Variants in TRIM46 observed in about 807,000 individuals in gnomAD.
The protein encoded by TRIM46 is tripartite motif-containing protein 46.
A neutral mutation model predicts 69.7 loss-of-function variants in TRIM46; 17 were observed. The ratio of observed to expected loss-of-function variants is 0.24; its 90% CI spans 0.17 to 0.37. TRIM46 has a LOEUF of 0.37. Among genes scored for constraint, TRIM46 ranks in the 10% least tolerant of loss-of-function variants. TRIM46 has a pLI of 1.00. For synonymous variants in TRIM46, 391 were observed against 429.0 expected (o/e 0.91, Z 1.09); for missense variants, 675 against 1,025.1 (o/e 0.66, Z 4.66).
At position 155,175,809 on chromosome 1, in the gene TRIM46, T is replaced by G. The variant is rs1396814860; in HGVS notation, c.326-79T>G. 2.5e-6 allele frequency: 4 copies of G among 1,574,182 alleles called. No homozygotes were observed. Among genetic ancestry groups the G allele is most frequent in the Non-Finnish European group, 3.5e-6 (4 of 1,157,242 alleles). On this transcript the variant is annotated intron_variant, in intron 2 of 9. Coordinates refer to ENST00000334634, the MANE Select transcript of TRIM46 (RefSeq NM_025058.5). The surrounding 1 kb of genome is among the most constrained non-coding windows in gnomAD (Gnocchi z 4.2). ...GAGCTGAGCTCTGGCACAATGAAAA[T>G]CTAATTTAATTAAACAGGCTTCCCC...
At chr1:155,176,256 G>A (rs1484227514) in intron 3 of TRIM46, 25 bp downstream of exon 3, 5 of 1,569,050 alleles carry the variant, frequency 3.2e-6, no homozygotes, top group Non-Finnish European at 4.3e-6. Flanking sequence ...CCAAGGCCTG[G>A]GGAGGGAGGG....
Position 155,178,264 on chromosome 1 carries a change from G to T in TRIM46, c.1163+9G>T. The stretch of plus-strand genomic sequence containing the variant: ...AAGCAGCTGCACAACAGGTACTCAG[G>T]GGCATGGGCTCCTAGGGGGGCAGGG... On this transcript the variant is annotated intron_variant, in intron 6 of 9. Transcript: ENST00000334634. The T allele has an allele frequency of 2.5e-6, 4 of 1,589,796 alleles. No individual in the cohort carries two copies. The highest frequency in any genetic ancestry group is 3.4e-6 in the Non-Finnish European group (4 of 1,165,068).
chr1:155,176,250 G>A lies in TRIM46; in HGVS notation c.669+19G>A. On this transcript the variant is annotated intron_variant, in intron 3 of 9. Coordinates refer to ENST00000334634, the MANE Select transcript of TRIM46 (RefSeq NM_025058.5). ...ACCCAAGGTGAGCCAGCCCTTCCAA[G>A]GCCTGGGGAGGGAGGGACATGCTGC... The A allele has an allele frequency of 6.3e-7, 1 of 1,574,962 alleles. No homozygotes were observed. The highest frequency in any genetic ancestry group is 8.6e-7 in the Non-Finnish European group (1 of 1,161,722).
chr1:155,183,336 A>G (rs1666323435), intron 9 of TRIM46, among the ~76,000 whole-genome samples: 1 of 144,746 alleles, frequency 6.9e-6, no homozygotes, highest in Non-Finnish European at 1.5e-5. Flanking sequence ...CCTAAACCCC[A>G]TTGTCCCCAA....
intron 5 of TRIM46, 39 bp from the exon 6 acceptor site, chr1:155,177,963 A>G: frequency 6.3e-7 from 1 of 1,597,932 alleles, no homozygotes; most frequent in South Asian, 1.1e-5. Flanking sequence ...AAAAGAAGAT[A>G]GTAAGTCACG....
At position 155,175,602 on chromosome 1, in the gene TRIM46, A is replaced by G; in HGVS notation, c.280A>G (p.Arg94Gly). The change falls in exon 2 of 10, where the codon AGA (arginine) becomes GGA (glycine). Residue 94 changes from arginine (R) to glycine (G), a missense_variant. Physicochemically the swap from Arg to Gly is moderately radical, Grantham distance 125. Transcript: ENST00000334634. The surrounding 1 kb of genome is among the most constrained non-coding windows in gnomAD (Gnocchi z 4.2). ...CACCCGCAGCCCCCGCCTCTCCCGC[A>G]GAACTCTCCCCAAGCCAGACCGCCT... is the stretch of plus-strand genomic sequence containing the variant. Reference protein sequence around the residue: ...PSTRSPRLSRRTLPKPDRLDR... With the variant: ...PSTRSPRLSRGTLPKPDRLDR... 2 of 1,613,752 alleles carry G rather than the reference A, an allele frequency of 1.2e-6. No individual in the cohort carries two copies. The highest frequency in any genetic ancestry group is 1.7e-6 in the Non-Finnish European group (2 of 1,179,950).
Position 155,173,926 on chromosome 1 carries a change from C to A in TRIM46, c.-41C>A. 6.4e-7 allele frequency: 1 copy of A among 1,558,212 alleles called. No individual in the cohort carries two copies. The highest frequency in any genetic ancestry group is 1.2e-5 in the South Asian group (1 of 84,786). On this transcript the variant is annotated 5_prime_UTR_variant, in exon 1 of 10. Transcript: ENST00000334634. ...TTAAGCCCGGGGTTCGCAGCCGCAG[C>A]CGGGATCGGGCACCCAGGGGCGGGC...
In TRIM46 at chr1:155,179,991, G is replaced by A. The variant is rs1666021387; in HGVS notation, c.1588+57G>A. 6 of 1,513,692 alleles carry A rather than the reference G, an allele frequency of 4.0e-6. No homozygotes were observed. The South Asian group carries it at 7.9e-5, about 20-fold the overall frequency. The allele number at this position is 1,513,692 out of a possible 1,614,324, so 93.8% of individuals were successfully genotyped here. Reference sequence around the variant, plus strand: ...GGGCATGGGGTATGCCAGGGCCTAGGCCCTGACGGTTGGTTCCGGTGGCCG... The same window carrying A: ...GGGCATGGGGTATGCCAGGGCCTAGACCCTGACGGTTGGTTCCGGTGGCCG... On this transcript the variant is annotated intron_variant, in intron 8 of 9. Transcript: ENST00000334634.
chr1:155,180,217 A>T (rs937400666), intron 8 of TRIM46, among the ~76,000 whole-genome samples: 7 of 152,222 alleles, frequency 4.6e-5, no homozygotes, highest in African/African-American at 1.7e-4. Flanking sequence ...CTGTAATCCT[A>T]GCACTTTGGG....
chr1:155,177,476 AG>A (rs1190187728), intron 5 of TRIM46, among the ~76,000 whole-genome samples, 186 bp downstream of exon 5: 1 of 152,116 alleles, frequency 6.6e-6, no homozygotes, highest in Non-Finnish European at 1.5e-5. Flanking sequence ...GGGCTGCAGG[AG>A]GGGGCAGGGT....
Position 155,178,327 on chromosome 1 carries a change from C to T in TRIM46, c.1163+72C>T, listed in dbSNP as rs143159282. On this transcript the variant is annotated intron_variant, in intron 6 of 9. Coordinates refer to ENST00000334634, the MANE Select transcript of TRIM46 (RefSeq NM_025058.5). Reference sequence around the variant, plus strand: ...TGACCAACATCTAGGACAATGTCTACAGTACTGCCAGGTGGAGAACTGGCA... The same window carrying T: ...TGACCAACATCTAGGACAATGTCTATAGTACTGCCAGGTGGAGAACTGGCA... The T allele has an allele frequency of 1.2e-3, 1,797 of 1,557,528 alleles. 17 individuals are homozygous for T. The African/African-American group carries it at 0.021, about 19-fold the overall frequency.
In TRIM46 at chr1:155,181,868, C is replaced by G. The variant is rs376649642; in HGVS notation, c.1605C>G (p.Leu535=). The G allele has an allele frequency of 3.7e-6, 6 of 1,611,202 alleles. No individual in the cohort carries two copies. The highest frequency in any genetic ancestry group is 1.6e-4 in the Middle Eastern group (1 of 6,072). Residue 535 remains leucine (L), a synonymous_variant, in exon 9 of 10, where the codon CTC becomes CTG. Coordinates refer to ENST00000334634, the MANE Select transcript of TRIM46 (RefSeq NM_025058.5). The surrounding 1 kb of genome is among the most constrained non-coding windows in gnomAD (Gnocchi z 4.3). The part of the protein sequence containing the change: ...TPPAPVLHFF[L]DSRWGASRER... ...TCCTTCCAGTCCTGCACTTCTTCCT[C>G]GATAGCCGCTGGGGCGCAAGCCGAG... is the stretch of plus-strand genomic sequence containing the variant.
At chr1:155,177,918 G>GGCATCCAAGGAGGCCAGCACAAGTGCT (rs1665810284) in intron 5 of TRIM46, 84 bp from the exon 6 acceptor site, 1 of 1,542,074 alleles carries the variant, frequency 6.5e-7, no homozygotes, top group African/African-American at 1.4e-5. Flanking sequence ...GCCATGCTGT[G>GGCATCCAAGGAGGCCAGCACAAGTGCT]GCATCCAAGG....
Position 155,178,134 on chromosome 1 carries a change from G to A in TRIM46, c.1042G>A (p.Ala348Thr), listed in dbSNP as rs140277217. 255 of 1,614,012 alleles carry A rather than the reference G, an allele frequency of 1.6e-4. No homozygotes were observed. Among genetic ancestry groups the A allele is most frequent in the Non-Finnish European group, 2.1e-4 (244 of 1,180,020 alleles). Reference sequence around the variant, plus strand: ...GCAGGAGCGGCTGGCCCGTCTCAGCGCCCAGATCCAGGAGCACCGGAGCCT... The same window carrying A: ...GCAGGAGCGGCTGGCCCGTCTCAGCACCCAGATCCAGGAGCACCGGAGCCT... ...CQQERLARLS[A>T]QIQEHRSLLD... Residue 348 changes from alanine to threonine, a missense_variant, in exon 6 of 10, where the codon GCC (alanine) becomes ACC (threonine). Ala to Thr is a moderately conservative substitution (Grantham distance 58). This residue lies in a region of TRIM46 where 361 missense variants were observed against 498.3 expected (regional missense o/e 0.72). Coordinates refer to ENST00000334634, the MANE Select transcript of TRIM46 (RefSeq NM_025058.5).
At chr1:155,183,231 T>G (rs753367788) in intron 9 of TRIM46, among the ~76,000 whole-genome samples, 1 of 151,942 alleles carries the variant, frequency 6.6e-6, no homozygotes, top group Non-Finnish European at 1.5e-5. Context: ...TTTAACACCC[T>G]CCCACTAATG....
intron 7 of TRIM46, 126 bp downstream of exon 7, chr1:155,178,739 T>TTGGGGCCCCCCCCCCCC: frequency 4.4e-5 from 59 of 1,348,356 alleles, no homozygotes; most frequent in Non-Finnish European, 5.7e-5. Flanking sequence ...CAGCCATTCC[T>TTGGGGCCCCCCCCCCCC]CCCACCCAGC....
chr1:155,178,402 C>T (rs778419282), intron 6 of TRIM46, 90 bp from the exon 7 acceptor site: 4 of 1,593,726 alleles, frequency 2.5e-6, no homozygotes, highest in Non-Finnish European at 3.4e-6. Flanking sequence ...CAAAGCAGTT[C>T]CCAAGGCTCT....
rs998785687 is a variant in TRIM46 at position 155,177,855 on chromosome 1, C to A, written c.910-147C>A. The stretch of plus-strand genomic sequence containing the variant: ...AGAGGTGCCTTTGCAGCCATGAGCC[C>A]AGGCCCTGTAGGAATGGGTGAGTAG... On this transcript the variant is annotated intron_variant, in intron 5 of 9. Coordinates refer to ENST00000334634, the MANE Select transcript of TRIM46 (RefSeq NM_025058.5). 3 of 1,211,290 alleles carry A rather than the reference C, an allele frequency of 2.5e-6. 1 individual carries two copies. Among genetic ancestry groups the A allele is most frequent in the Admixed American group, 2.8e-5 (1 of 35,904 alleles). The allele number at this position is 1,211,290 out of a possible 1,614,324, so 75.0% of individuals were successfully genotyped here.
chr1:155,183,350 C>T (rs1472161761), intron 9 of TRIM46, among the ~76,000 whole-genome samples: 3 of 152,020 alleles, frequency 2.0e-5, no homozygotes, highest in Non-Finnish European at 4.4e-5. Flanking sequence ...TCCCCAACCC[C>T]GCATACCTCT....
Sources: gnomAD v4.1 joint callset for allele counts (sites outside exome capture counted in the v4.1 genomes callset) on GRCh38, gnomAD v4.1.1 for gene constraint, gnomAD v4.1.1 regional missense constraint, Gnocchi (gnomAD v3.1) non-coding constraint, MANE v1.5 for transcripts, NCBI Gene and HGNC (gene_info 2026-07-23, HGNC 2026-07-21) for gene names.